Variants in ST18 observed in about 807,000 individuals in gnomAD.
ST18 encodes suppression of tumorigenicity 18 protein.
In ST18, 50 loss-of-function variants were observed where a neutral mutation model predicts 110.0. The ratio of observed to expected loss-of-function variants is 0.45; its 90% CI spans 0.36 to 0.58. The LOEUF (loss-of-function observed/expected upper bound fraction) is 0.58, where lower values mean the gene tolerates loss of function less well. ST18 is among the 20% of genes least tolerant of loss of function. The pLI, the probability that ST18 is intolerant of heterozygous loss-of-function variation, is 0.00. For synonymous variants in ST18, 461 were observed against 452.4 expected (o/e 1.02, Z -0.24); for missense variants, 1,306 against 1,280.1 (o/e 1.02, Z -0.31).
intron 22 of ST18, among the ~76,000 whole-genome samples, chr8:52,129,611 T>A (rs962017067): frequency 4.6e-5 from 7 of 151,670 alleles, no homozygotes; most frequent in Non-Finnish European, 1.0e-4. Context: ...AAAGAAAGAG[T>A]ATTCCACCTT....
At chr8:52,275,306 C>A (rs2095207945) in intron 2 of ST18, among the ~76,000 whole-genome samples, 1 of 152,146 alleles carries the variant, frequency 6.6e-6, no homozygotes. Flanking sequence ...CTATCTAGAT[C>A]ATGATGTTGC....
At chr8:52,162,048 T>TA (rs2061599317) in intron 13 of ST18, among the ~76,000 whole-genome samples, 1 of 152,082 alleles carries the variant, frequency 6.6e-6, no homozygotes, top group Non-Finnish European at 1.5e-5. Context: ...CTGTCTCTAC[T>TA]AAAAATACCA....
At chr8:52,401,554 G>A (rs189485555) in intron 2 of ST18, among the ~76,000 whole-genome samples, 2 of 151,588 alleles carry the variant, frequency 1.3e-5, no homozygotes, top group Admixed American at 6.6e-5. Flanking sequence ...TTCTTTTCAA[G>A]TTCAGAGATT....
chr8:52,124,174 G>T (rs7002709), intron 23 of ST18, among the ~76,000 whole-genome samples: 30,180 of 149,576 alleles, frequency 0.2, 3,174 homozygotes, highest in East Asian at 0.39. Context: ...TCTCATTTTT[G>T]AATTAATTTT....
At chr8:52,147,867 C>T (rs1430231710) in intron 16 of ST18, among the ~76,000 whole-genome samples, 1 of 152,156 alleles carries the variant, frequency 6.6e-6, no homozygotes, top group East Asian at 1.9e-4. Flanking sequence ...TTCCCTTACC[C>T]AAAGCTAACT....
rs563609981 is a variant in ST18, at chr8:52,323,050, T to C, written c.-465+86278A>G. Among the ~76,000 whole-genome samples the C allele has an allele frequency of 2.0e-4, 30 of 152,338 alleles. No individual in the cohort carries two copies. In the South Asian group the frequency reaches 6.2e-3, roughly 32 times the overall value. The stretch of plus-strand genomic sequence containing the variant: ...GGAGTCAGACAGGTTTCCTTGGACC[T>C]AGCTCCTCGGAGGAGTCCTGGGCCA... On this transcript the variant is annotated intron_variant, in intron 2 of 25. Transcript: ENST00000689386.
At chr8:52,172,932 A>T (rs1177062014) in intron 9 of ST18, among the ~76,000 whole-genome samples, 1 of 152,220 alleles carries the variant, frequency 6.6e-6, no homozygotes, top group Non-Finnish European at 1.5e-5. Flanking sequence ...GTATTTGCTG[A>T]ATGTGAAATT....
At chr8:52,341,454 C>G (rs989088375) in intron 2 of ST18, among the ~76,000 whole-genome samples, 1 of 152,140 alleles carries the variant, frequency 6.6e-6, no homozygotes, top group African/African-American at 2.4e-5. Flanking sequence ...TAAAGAAGTC[C>G]GCATCCTAAT....
chr8:52,235,070 TACTTGTGTA>T lies in ST18; in HGVS notation c.-464-5002_-464-4994del, dbSNP rs202001657. On this transcript the variant is annotated intron_variant, in intron 2 of 25. Coordinates refer to ENST00000689386, the MANE Select transcript of ST18 (RefSeq NM_001352837.2). ...TCTCACAAATCACCACTAAAAAATT[TACTTGTGTA>T]ACCAAATACCACCTGTTCCCCAAAA... Among the ~76,000 whole-genome samples the T allele has an allele frequency of 1.7e-4, 26 of 152,188 alleles. No individual in the cohort carries two copies. The East Asian group carries it at 5.0e-3, about 29-fold the overall frequency.
chr8:52,223,634 ACT>A (rs1227070749), intron 3 of ST18, among the ~76,000 whole-genome samples: 3 of 145,002 alleles, frequency 2.1e-5, no homozygotes, highest in African/African-American at 8.1e-5. Flanking sequence ...ACAGAGTGAG[ACT>A]CTGTCTCAAA....
chr8:52,241,699 A>G (rs1434520861), intron 2 of ST18, among the ~76,000 whole-genome samples: 1 of 152,254 alleles, frequency 6.6e-6, no homozygotes, highest in East Asian at 1.9e-4. Flanking sequence ...ACTTGCTCAC[A>G]ATGTTCTAGC....
chr8:52,378,630 T>C (rs1833325710), intron 2 of ST18, among the ~76,000 whole-genome samples: 1 of 152,208 alleles, frequency 6.6e-6, no homozygotes, highest in Admixed American at 6.5e-5. Flanking sequence ...AAATCCTATA[T>C]ACATATATGA....
intron 3 of ST18, among the ~76,000 whole-genome samples, chr8:52,225,480 T>G (rs1241635078): frequency 6.6e-6 from 1 of 152,242 alleles, no homozygotes; most frequent in Non-Finnish European, 1.5e-5. Flanking sequence ...GGGGCCAGTT[T>G]CTTCTCCTTA....
Position 52,313,027 on chromosome 8 carries a change from T to G in ST18, c.-464-82950A>C, listed in dbSNP as rs116971266. ...CATCCTGAACTATGTCCTTGAAGAT[T>G]GACCCTAAATGAGACCTGAGGGCAC... On this transcript the variant is annotated intron_variant, in intron 2 of 25. Coordinates refer to ENST00000689386, the MANE Select transcript of ST18 (RefSeq NM_001352837.2). The G allele has an allele frequency of 7.9e-3, 1,211 of 152,332 alleles. 8 individuals carry two copies. The highest frequency in any genetic ancestry group is 0.013 in the Non-Finnish European group (897 of 68,068). 9.4% of individuals were successfully genotyped at this position (152,332 alleles called of 1,614,324 possible).
At position 52,323,654 on chromosome 8, in the gene ST18, A is replaced by C. The variant is rs138007074; in HGVS notation, c.-465+85674T>G. On this transcript the variant is annotated intron_variant, in intron 2 of 25. Transcript: ENST00000689386. The stretch of plus-strand genomic sequence containing the variant: ...GAGTATTTCCGACTTGGTCTTGTTT[A>C]AATTTAAATCCAAAACCCTCTGCCT... 6.0e-3 allele frequency among the ~76,000 whole-genome samples: 911 copies of C among 152,196 alleles called. 7 individuals are homozygous for C. Among genetic ancestry groups the C allele is most frequent in the African/African-American group, 0.021 (863 of 41,518 alleles).
At chr8:52,193,866 CG>C (rs2075355470) in intron 8 of ST18, among the ~76,000 whole-genome samples, 2 of 152,294 alleles carry the variant, frequency 1.3e-5, no homozygotes, top group Admixed American at 6.5e-5. Flanking sequence ...TCATGTTTAC[CG>C]AGCTACAGTG....
In ST18 at chr8:52,172,039, T is replaced by TGAG. The variant is rs1480115006; in HGVS notation, c.819_821dup (p.Ser274dup). On this transcript the variant is annotated inframe_insertion, in exon 10 of 26. Transcript: ENST00000689386. ...TATCTTCCTCCTCAACGTCAGGGAA[T>TGAG]GAGGGCTGGGCATTGCCATCCAGGG... The TGAG allele has an allele frequency of 1.9e-6, 3 of 1,614,240 alleles. No individual in the cohort carries two copies. In the East Asian group the frequency reaches 6.7e-5, roughly 36 times the overall value.
At chr8:52,234,726 A>AAGG (rs1480991487) in intron 2 of ST18, among the ~76,000 whole-genome samples, 41 of 112,696 alleles carry the variant, frequency 3.6e-4, no homozygotes, top group African/African-American at 1.6e-3. Flanking sequence ...TAAAGAAACT[A>AAGG]TGGTGTGTGT....
chr8:52,241,313 C>T (rs1346437935), intron 2 of ST18, among the ~76,000 whole-genome samples: 1 of 152,208 alleles, frequency 6.6e-6, no homozygotes, highest in African/African-American at 2.4e-5. Flanking sequence ...ATAAAATCTT[C>T]CCTGATGTTT....
Sources: allele counts gnomAD v4.1 joint callset (sites outside exome capture counted in the v4.1 genomes callset), GRCh38; gene constraint gnomAD v4.1.1; transcripts MANE v1.5; gene names NCBI Gene and HGNC (gene_info 2026-07-23, HGNC 2026-07-21).